Variants in KCNN2 observed in about 807,000 individuals in gnomAD.
KCNN2 encodes the protein small conductance calcium-activated potassium channel protein 2.
A neutral mutation model predicts 55.5 loss-of-function variants in KCNN2; 24 were observed. That is an observed-to-expected ratio of 0.43 (90% confidence interval 0.31 to 0.61). The LOEUF (loss-of-function observed/expected upper bound fraction) is 0.61. KCNN2 is among the 20% of genes least tolerant of loss of function. The pLI, the probability that KCNN2 is intolerant of heterozygous loss-of-function variation, is 0.08. For missense variants in KCNN2, 754 were observed against 853.6 expected, an observed-to-expected ratio of 0.88 and a Z score of 1.45; for synonymous variants, 431 against 336.1, an observed-to-expected ratio of 1.28 and a Z score of -3.09.
chr5:114,294,618 T>G (rs1046983541), intron 2 of KCNN2, among the ~76,000 whole-genome samples: 9 of 152,302 alleles, frequency 5.9e-5, no homozygotes, highest in Admixed American at 5.9e-4. Context: ...TCCAACTATG[T>G]GGTCAGTTTT....
At chr5:114,080,027 A>G (rs896765497) in intron 1 of KCNN2, among the ~76,000 whole-genome samples, 5 of 152,098 alleles carry the variant, frequency 3.3e-5, no homozygotes, top group Middle Eastern at 6.8e-3. Flanking sequence ...GAATTTACCT[A>G]TATGGAAGGA....
chr5:114,278,842 C>A (rs951774245), intron 2 of KCNN2, among the ~76,000 whole-genome samples: 2 of 152,156 alleles, frequency 1.3e-5, no homozygotes, highest in South Asian at 4.1e-4. Context: ...GGCAATGCCC[C>A]GCCCTACTTC....
At chr5:114,239,952 A>G (rs1232188751) in intron 2 of KCNN2, among the ~76,000 whole-genome samples, 1 of 152,222 alleles carries the variant, frequency 6.6e-6, no homozygotes, top group Non-Finnish European at 1.5e-5. Context: ...CATTCTAAGC[A>G]TTAAAAAGGT....
chr5:114,105,789 C>T (rs761370417), intron 1 of KCNN2, among the ~76,000 whole-genome samples: 45 of 151,904 alleles, frequency 3.0e-4, no homozygotes, highest in Non-Finnish European at 5.7e-4. Flanking sequence ...GTGGTAAGTC[C>T]TCAGTCTTCA....
intron 1 of KCNN2, among the ~76,000 whole-genome samples, chr5:114,206,446 T>C (rs918572953): frequency 6.6e-6 from 1 of 152,150 alleles, no homozygotes; most frequent in Admixed American, 6.5e-5. Flanking sequence ...CGACATCATC[T>C]TCTCTATCTC....
intron 1 of KCNN2, among the ~76,000 whole-genome samples, chr5:114,057,659 AAAG>A (rs1750240347): frequency 6.6e-6 from 1 of 152,186 alleles, no homozygotes. Flanking sequence ...ACTATAAAGA[AAAG>A]AGAACAGAGT....
At chr5:114,350,323 A>G (rs1757185123) in intron 2 of KCNN2, among the ~76,000 whole-genome samples, 1 of 151,828 alleles carries the variant, frequency 6.6e-6, no homozygotes, top group Admixed American at 6.6e-5. Flanking sequence ...TATTTTTATA[A>G]TTGAGTTATA....
chr5:114,254,627 A>G (rs1384224384), intron 2 of KCNN2, among the ~76,000 whole-genome samples: 1 of 152,198 alleles, frequency 6.6e-6, no homozygotes, highest in Non-Finnish European at 1.5e-5. Context: ...AAGTAATCCT[A>G]GTAAGTATAT....
At chr5:114,453,209 T>C (rs1482806668) in intron 3 of KCNN2, among the ~76,000 whole-genome samples, 2 of 152,170 alleles carry the variant, frequency 1.3e-5, no homozygotes, top group African/African-American at 2.4e-5. Flanking sequence ...GAAAACCCCA[T>C]ACACCTGCTT....
At chr5:114,197,431 C>G (rs1020414015) in intron 1 of KCNN2, among the ~76,000 whole-genome samples, 1 of 152,148 alleles carries the variant, frequency 6.6e-6, no homozygotes, top group South Asian at 2.1e-4. Context: ...GTATTGAAGT[C>G]TCCAATGATC....
chr5:114,408,992 A>G (rs1759034068), intron 3 of KCNN2, among the ~76,000 whole-genome samples: 1 of 152,192 alleles, frequency 6.6e-6, no homozygotes, highest in Non-Finnish European at 1.5e-5. Context: ...GCCAGCAGGT[A>G]CATAAAGGAA....
At position 114,241,784 on chromosome 5, in the gene KCNN2, GTATATATA is replaced by G. The variant is rs373052579; in HGVS notation, c.-185+20221_-185+20228del. 2.4e-3 allele frequency among the ~76,000 whole-genome samples: 8 copies of G among 3,280 alleles called. 2 individuals are homozygous for G. The East Asian group carries it at 0.13, about 53-fold the overall frequency. The allele number at this position is 3,280 out of a possible 152,430, so 2.2% of individuals were successfully genotyped here. On this transcript the variant is annotated intron_variant, in intron 2 of 10. Coordinates refer to the KCNN2 transcript ENST00000512097. ...TATACGTATATATATACATATATAC[GTATATATA>G]TGTATATATATACGTATATATATAT...
chr5:114,339,728 A>G (rs1027344333), intron 2 of KCNN2, among the ~76,000 whole-genome samples: 1 of 152,102 alleles, frequency 6.6e-6, no homozygotes, highest in African/African-American at 2.4e-5. Context: ...GCTTGAGCCC[A>G]GGAGGTGGAA....
At chr5:114,366,789 G>C (rs1234250094) in intron 2 of KCNN2, among the ~76,000 whole-genome samples, 2 of 152,224 alleles carry the variant, frequency 1.3e-5, no homozygotes. Context: ...GCACTTCTCA[G>C]CTCACGCTAA....
intron 2 of KCNN2, among the ~76,000 whole-genome samples, chr5:114,370,589 A>G (rs1238628707): frequency 6.6e-6 from 1 of 152,118 alleles, no homozygotes; most frequent in Non-Finnish European, 1.5e-5. Flanking sequence ...AGAAAGTGAC[A>G]TTTAAACTGA....
intron 2 of KCNN2, among the ~76,000 whole-genome samples, chr5:114,279,861 C>G (rs1341973206): frequency 6.6e-6 from 1 of 152,064 alleles, no homozygotes; most frequent in African/African-American, 2.4e-5. Flanking sequence ...TCTAGATCCT[C>G]GAGGAATTGC....
chr5:114,390,652 A>G (rs1298992890), intron 2 of KCNN2, among the ~76,000 whole-genome samples: 1 of 152,160 alleles, frequency 6.6e-6, no homozygotes, highest in African/African-American at 2.4e-5. Context: ...CAATTGTGGC[A>G]TGTCGAAATC....
upstream of KCNN2, among the ~76,000 whole-genome samples, chr5:114,360,704 T>A (rs372706203): frequency 3.3e-5 from 5 of 152,258 alleles, no homozygotes; most frequent in South Asian, 1.0e-3. Context: ...TTTTTGTTAG[T>A]TTATTAGAGA....
At chr5:114,472,759 G>A (rs1761810046) in intron 4 of KCNN2, among the ~76,000 whole-genome samples, 1 of 152,072 alleles carries the variant, frequency 6.6e-6, no homozygotes, top group African/African-American at 2.4e-5. Flanking sequence ...GACTTGCTCT[G>A]TTTTTTAAAA....
Sources: allele counts gnomAD v4.1 joint callset (sites outside exome capture counted in the v4.1 genomes callset), GRCh38; gene constraint gnomAD v4.1.1; transcripts MANE v1.5; gene names NCBI Gene and HGNC (gene_info 2026-07-23, HGNC 2026-07-21).